Variants in CELF4 observed in about 807,000 individuals in gnomAD.
The protein encoded by CELF4 is CUG-BP- and ETR-3-like factor 4.
A neutral mutation model predicts 59.9 loss-of-function variants in CELF4; 18 were observed. The observed-to-expected ratio is 0.30, with a 90% CI of 0.21 to 0.45. The LOEUF (loss-of-function observed/expected upper bound fraction) is 0.45. Ranked by LOEUF, CELF4 falls within the 20% of genes least tolerant of loss-of-function variation. CELF4 has a pLI of 1.00. For missense variants in CELF4, 456 were observed against 689.0 expected, an observed-to-expected ratio of 0.66 and a Z score of 3.79; for synonymous variants, 261 against 267.1, an observed-to-expected ratio of 0.98 and a Z score of 0.22.
rs2066683113 is a variant in CELF4 at position 37,253,249 on chromosome 18, TC to T, written c.*44+517del. ...TCTTAGTAAAGTTCCCTTTGAAAGA[TC>T]CTGTCCTTCCTCTCTTCACTGAGCT... is the stretch of plus-strand genomic sequence containing the variant. On this transcript the variant is annotated intron_variant, in intron 12 of 12. Transcript: ENST00000420428. The surrounding 1 kb of genome is among the most constrained non-coding windows in gnomAD (Gnocchi z 4.5). Among the ~76,000 whole-genome samples, 1 of 152,200 alleles carries T rather than the reference TC, an allele frequency of 6.6e-6. No individual in the cohort carries two copies. Among genetic ancestry groups the T allele is most frequent in the Admixed American group, 6.5e-5 (1 of 15,288 alleles).
intron 2 of CELF4, among the ~76,000 whole-genome samples, chr18:37,433,492 C>A (rs1052921405): frequency 6.6e-6 from 1 of 152,190 alleles, no homozygotes; most frequent in Non-Finnish European, 1.5e-5. Context: ...TGTGCCCCTA[C>A]GGTGTTCAGC....
chr18:37,323,440 A>C (rs2154523698), intron 2 of CELF4, among the ~76,000 whole-genome samples: 1 of 152,282 alleles, frequency 6.6e-6, no homozygotes, highest in South Asian at 2.1e-4. Context: ...AACGTAATGA[A>C]GTTCCTGGGT....
At chr18:37,479,676 T>C (rs1490428237) in intron 2 of CELF4, among the ~76,000 whole-genome samples, 2 of 152,142 alleles carry the variant, frequency 1.3e-5, no homozygotes, top group East Asian at 1.9e-4. Flanking sequence ...TCAGACACTA[T>C]TGTAGGCCTT....
intron 2 of CELF4, among the ~76,000 whole-genome samples, chr18:37,426,737 G>C (rs898020490): frequency 6.6e-6 from 1 of 152,132 alleles, no homozygotes; most frequent in Non-Finnish European, 1.5e-5. Context: ...ATTAGAACAC[G>C]TGGAAAACAA....
intron 3 of CELF4, among the ~76,000 whole-genome samples, chr18:37,291,842 C>T (rs1374615248): frequency 6.6e-6 from 1 of 152,100 alleles, no homozygotes; most frequent in East Asian, 1.9e-4. Context: ...TTCTAACCCT[C>T]GTGGAACTGA....
intron 2 of CELF4, among the ~76,000 whole-genome samples, chr18:37,441,959 G>A (rs962014953): frequency 2.3e-5 from 3 of 128,338 alleles, no homozygotes; most frequent in Non-Finnish European, 3.4e-5. Flanking sequence ...GACACCGTGC[G>A]TCACCCAAAC....
chr18:37,466,387 T>G (rs540138165), intron 2 of CELF4, among the ~76,000 whole-genome samples: 1 of 142,380 alleles, frequency 7.0e-6, no homozygotes, highest in African/African-American at 2.7e-5. Context: ...AAAATGGAAC[T>G]GTGGTATGCT....
intron 11 of CELF4, 111 bp downstream of exon 11, chr18:37,259,070 G>C: frequency 1.9e-6 from 3 of 1,554,004 alleles, no homozygotes; most frequent in South Asian, 1.2e-5. Context: ...AGGTTGGTGC[G>C]AGCACCGCCC....
chr18:37,264,578 C>G, intron 10 of CELF4, 96 bp downstream of exon 10: 1 of 1,055,308 alleles, frequency 9.5e-7, no homozygotes, highest in Non-Finnish European at 1.4e-6. Context: ...ACGTGGTCAC[C>G]TTTCCAACGC....
intron 1 of CELF4, among the ~76,000 whole-genome samples, chr18:37,532,471 T>C (rs1379376798): frequency 1.3e-5 from 2 of 152,186 alleles, no homozygotes; most frequent in Non-Finnish European, 2.9e-5. Context: ...CCCATTAACA[T>C]CTGAAACAGC....
intron 3 of CELF4, among the ~76,000 whole-genome samples, chr18:37,281,455 C>T (rs899506177): frequency 6.6e-5 from 10 of 152,214 alleles, no homozygotes; most frequent in Non-Finnish European, 1.5e-5. Flanking sequence ...TAGATTTTTA[C>T]TATTCTCTTC....
At chr18:37,275,428 G>GA (rs1249903888) in intron 3 of CELF4, among the ~76,000 whole-genome samples, 185 bp from the exon 4 acceptor site, 1 of 151,594 alleles carries the variant, frequency 6.6e-6, no homozygotes, top group East Asian at 2.0e-4. Flanking sequence ...AGCGGGAGGG[G>GA]CGAGGGAGAG....
chr18:37,530,746 C>T (rs971930676), intron 1 of CELF4, among the ~76,000 whole-genome samples: 4 of 152,122 alleles, frequency 2.6e-5, no homozygotes, highest in African/African-American at 4.8e-5. Flanking sequence ...AGATAACGCC[C>T]GTGCGGCTCT....
At chr18:37,552,088 A>T (rs781045447) in intron 1 of CELF4, among the ~76,000 whole-genome samples, 6 of 152,238 alleles carry the variant, frequency 3.9e-5, no homozygotes, top group Admixed American at 2.0e-4. Flanking sequence ...AATCTGGCTT[A>T]GAGCCAGTGC....
intron 2 of CELF4, among the ~76,000 whole-genome samples, chr18:37,429,124 G>A (rs2099632512): frequency 1.3e-5 from 2 of 152,206 alleles, no homozygotes; most frequent in Non-Finnish European, 2.9e-5. Context: ...CTGGGTGCTT[G>A]CTTACTTTAT....
intron 1 of CELF4, among the ~76,000 whole-genome samples, chr18:37,509,608 T>G (rs1047184797): frequency 1.3e-5 from 2 of 152,220 alleles, no homozygotes; most frequent in Non-Finnish European, 2.9e-5. Flanking sequence ...GTTTGGACAT[T>G]GACAAACAAT....
intron 1 of CELF4, among the ~76,000 whole-genome samples, chr18:37,553,188 AT>A (rs1385097558): frequency 2.0e-5 from 3 of 152,094 alleles, no homozygotes; most frequent in African/African-American, 7.2e-5. Context: ...CAATAAAAAG[AT>A]TTTTTTTTTA....
chr18:37,328,886 G>A (rs2097429671), intron 2 of CELF4, among the ~76,000 whole-genome samples: 1 of 152,120 alleles, frequency 6.6e-6, no homozygotes, highest in Non-Finnish European at 1.5e-5. Flanking sequence ...TAATTTGCAG[G>A]ACCCCTTGTT....
intron 2 of CELF4, among the ~76,000 whole-genome samples, chr18:37,435,658 C>A (rs899036917): frequency 2.6e-5 from 4 of 152,204 alleles, no homozygotes; most frequent in African/African-American, 9.7e-5. Flanking sequence ...ACTCAGGTGC[C>A]TTCTTCCTGC....
Sources: allele counts gnomAD v4.1 joint callset (sites outside exome capture counted in the v4.1 genomes callset), GRCh38; gene constraint gnomAD v4.1.1; non-coding constraint Gnocchi (gnomAD v3.1); transcripts MANE v1.5; gene names NCBI Gene and HGNC (gene_info 2026-07-23, HGNC 2026-07-21).